Variants in PDZRN3 observed in about 807,000 individuals in gnomAD.
The protein encoded by PDZRN3 is PDZ domain containing ring finger 3.
A neutral mutation model predicts 85.7 loss-of-function variants in PDZRN3; 38 were observed. That is an observed-to-expected ratio of 0.44 (90% CI 0.34 to 0.58). The LOEUF (loss-of-function observed/expected upper bound fraction) is 0.58, where lower values mean the gene tolerates loss of function less well. PDZRN3 is among the 20% of genes least tolerant of loss of function. The pLI, the probability that PDZRN3 is intolerant of heterozygous loss-of-function variation, is 0.01. For synonymous variants in PDZRN3, 759 were observed against 638.0 expected (o/e 1.19, Z -2.86); for missense variants, 1,629 against 1,506.4 (o/e 1.08, Z -1.35).
chr3:73,617,524 C>G (rs1166173059), intron 1 of PDZRN3, among the ~76,000 whole-genome samples: 1 of 152,078 alleles, frequency 6.6e-6, no homozygotes, highest in Non-Finnish European at 1.5e-5. Flanking sequence ...ACCTTTCTAT[C>G]CAATGGTGCC....
intron 3 of PDZRN3, among the ~76,000 whole-genome samples, chr3:73,568,270 CT>C (rs200481607): frequency 2.0e-5 from 3 of 151,246 alleles, no homozygotes; most frequent in African/African-American, 7.3e-5. Context: ...ACAGGAAAGT[CT>C]TTTTTTTTCT....
At chr3:73,542,160 A>G (rs891120837) in intron 3 of PDZRN3, among the ~76,000 whole-genome samples, 2 of 152,226 alleles carry the variant, frequency 1.3e-5, no homozygotes, top group African/African-American at 4.8e-5. Context: ...GTACACAATG[A>G]AATTCCCACT....
intron 3 of PDZRN3, among the ~76,000 whole-genome samples, chr3:73,443,420 C>G (rs1462419722): frequency 6.6e-6 from 1 of 151,590 alleles, no homozygotes; most frequent in African/African-American, 2.4e-5. Context: ...CTGCAGGGAA[C>G]TACCATGATT....
chr3:73,415,080 C>T (rs1180064494), intron 3 of PDZRN3, among the ~76,000 whole-genome samples: 1 of 152,144 alleles, frequency 6.6e-6, no homozygotes, highest in Non-Finnish European at 1.5e-5. Flanking sequence ...CTGGGGCTGC[C>T]AATATAGTGG....
chr3:73,434,308 T>C (rs914324313), intron 3 of PDZRN3, among the ~76,000 whole-genome samples: 22 of 152,252 alleles, frequency 1.4e-4, no homozygotes, highest in Admixed American at 2.0e-4. Context: ...TCTGATGATA[T>C]AAAATGTATT....
chr3:73,542,202 GA>G (rs1704940468), intron 3 of PDZRN3, among the ~76,000 whole-genome samples: 1 of 152,136 alleles, frequency 6.6e-6, no homozygotes, highest in Non-Finnish European at 1.5e-5. Flanking sequence ...TATGGGCAGA[GA>G]AAGGCAAAGC....
At chr3:73,440,075 T>G (rs1378734790) in intron 3 of PDZRN3, among the ~76,000 whole-genome samples, 2 of 152,120 alleles carry the variant, frequency 1.3e-5, no homozygotes, top group African/African-American at 4.8e-5. Context: ...ATTTTTCCTT[T>G]GCCAAATTGA....
At chr3:73,388,192 C>G (rs1364820227) in intron 7 of PDZRN3, 123 bp from the exon 8 acceptor site, 1 of 578,512 alleles carries the variant, frequency 1.7e-6, no homozygotes. Flanking sequence ...GAACATACAA[C>G]TTCCGTGTAG....
intron 5 of PDZRN3, among the ~76,000 whole-genome samples, chr3:73,391,340 T>G (rs1292239718): frequency 6.6e-6 from 1 of 152,206 alleles, no homozygotes; most frequent in Non-Finnish European, 1.5e-5. Context: ...TGAAAATAGT[T>G]ATTTCATTGA....
intron 3 of PDZRN3, among the ~76,000 whole-genome samples, chr3:73,548,149 C>A (rs1221169979): frequency 2.6e-5 from 4 of 152,154 alleles, no homozygotes; most frequent in African/African-American, 9.7e-5. Flanking sequence ...CGCGCCCACA[C>A]CCCTTCCTCT....
At chr3:73,570,942 C>T (rs780137996) in intron 3 of PDZRN3, among the ~76,000 whole-genome samples, 1 of 152,158 alleles carries the variant, frequency 6.6e-6, no homozygotes, top group African/African-American at 2.4e-5. Context: ...ATCTACCTGG[C>T]TGTGGGCAGA....
chr3:73,552,104 G>C (rs1324147818), intron 3 of PDZRN3, among the ~76,000 whole-genome samples: 1 of 152,188 alleles, frequency 6.6e-6, no homozygotes, highest in South Asian at 2.1e-4. Flanking sequence ...AATCACCTGG[G>C]GCACATTCCT....
At chr3:73,445,539 C>CTTGAT (rs1702729877) in intron 3 of PDZRN3, among the ~76,000 whole-genome samples, 1 of 152,208 alleles carries the variant, frequency 6.6e-6, no homozygotes, top group African/African-American at 2.4e-5. Flanking sequence ...TCTGAAATTA[C>CTTGAT]TTACCAAGCC....
chr3:73,494,868 T>G (rs1206569768), intron 3 of PDZRN3, among the ~76,000 whole-genome samples: 1 of 152,210 alleles, frequency 6.6e-6, no homozygotes, highest in Non-Finnish European at 1.5e-5. Context: ...AGCTTACTTT[T>G]CCAACACCCA....
chr3:73,602,219 A>G (rs1702525375), intron 3 of PDZRN3, 135 bp downstream of exon 3: 1 of 638,282 alleles, frequency 1.6e-6, no homozygotes, highest in African/African-American at 1.8e-5. Flanking sequence ...GGTCCCACAC[A>G]ATGGGAAAAG....
At chr3:73,568,016 A>G (rs1701978655) in intron 3 of PDZRN3, among the ~76,000 whole-genome samples, 2 of 152,240 alleles carry the variant, frequency 1.3e-5, no homozygotes, top group South Asian at 4.1e-4. Flanking sequence ...AGAGGTGGGA[A>G]AAGCAGTTTA....
At chr3:73,527,130 C>A (rs1252690819) in intron 3 of PDZRN3, among the ~76,000 whole-genome samples, 1 of 152,172 alleles carries the variant, frequency 6.6e-6, no homozygotes, top group African/African-American at 2.4e-5. Flanking sequence ...TGAGTCACTG[C>A]ACCTGGCTGA....
intron 5 of PDZRN3, among the ~76,000 whole-genome samples, 174 bp from the exon 6 acceptor site, chr3:73,391,290 C>T (rs1701522584): frequency 6.6e-6 from 1 of 152,200 alleles, no homozygotes; most frequent in African/African-American, 2.4e-5. Flanking sequence ...GGATCAATGC[C>T]TACGGCATTT....
In PDZRN3 at chr3:73,624,770, G is replaced by T; in HGVS notation, c.56C>A (p.Ala19Glu). Residue 19 changes from alanine to glutamate, a missense_variant, in exon 1 of 10, where the codon GCG becomes GAG. Physicochemically the swap from Ala to Glu is moderately radical, Grantham distance 107. Coordinates refer to ENST00000263666, the MANE Select transcript of PDZRN3 (RefSeq NM_015009.3). ...GTCCTCCAGGACCTTGTGGCACAGCGCGCACTTCAGGTCCGGGTCCACGTC... is the reference window on the plus strand; with the variant it reads ...GTCCTCCAGGACCTTGTGGCACAGCTCGCACTTCAGGTCCGGGTCCACGTC... ...DGDVDPDLKC[A>E]LCHKVLEDPL... is the part of the protein sequence containing the mutation. 1 of 1,476,424 alleles carries T rather than the reference G, an allele frequency of 6.8e-7. No homozygotes were observed. Among genetic ancestry groups the T allele is most frequent in the Non-Finnish European group, 8.9e-7 (1 of 1,120,136 alleles). The allele number at this position is 1,476,424 out of a possible 1,614,324, so 91.5% of individuals were successfully genotyped here.
Sources: allele counts gnomAD v4.1 joint callset (sites outside exome capture counted in the v4.1 genomes callset), GRCh38; gene constraint gnomAD v4.1.1; transcripts MANE v1.5; gene names NCBI Gene and HGNC (gene_info 2026-07-23, HGNC 2026-07-21).